The following KIAA1958 variants were observed in gnomAD, a reference collection of about 807,000 sequenced individuals.
KIAA1958 encodes KIAA1958.
In KIAA1958, 14 loss-of-function variants were observed where a neutral mutation model predicts 47.2. The observed-to-expected ratio is 0.30, with a 90% CI of 0.20 to 0.46. KIAA1958 has a LOEUF of 0.46. Ranked by LOEUF, KIAA1958 falls within the 20% of genes least tolerant of loss-of-function variation. KIAA1958 has a pLI of 1.00. For synonymous variants in KIAA1958, 354 were observed against 353.3 expected (o/e 1.00, Z -0.02); for missense variants, 803 against 909.2 (o/e 0.88, Z 1.50).
At chr9:112,606,137 A>T (rs1836230229) in intron 2 of KIAA1958, among the ~76,000 whole-genome samples, 1 of 152,136 alleles carries the variant, frequency 6.6e-6, no homozygotes, top group African/African-American at 2.4e-5. Context: ...AGAAAGGGAG[A>T]GCAGGTATCA....
rs1430797884 is a variant in KIAA1958 at position 112,525,933 on chromosome 9, C to T, written c.-25+38815C>T. Among the ~76,000 whole-genome samples the T allele has an allele frequency of 8.7e-3, 44 of 5,080 alleles. 4 individuals are homozygous for T. In the African/African-American group the frequency reaches 0.095, roughly 11 times the overall value. 3.3% of individuals were successfully genotyped at this position (5,080 alleles called of 152,430 possible). A position where few individuals can be genotyped will look rare whatever the true frequency, so the allele number is the denominator to read the frequency against. On this transcript the variant is annotated intron_variant, in intron 1 of 3. Coordinates refer to ENST00000337530, the MANE Select transcript of KIAA1958 (RefSeq NM_133465.4). Reference sequence around the variant, plus strand: ...ATTTATATTCTTTCTTCTTCTTCTTCTTCTTCTTCTTCTTCTTCTTCTTCT... The same window carrying T: ...ATTTATATTCTTTCTTCTTCTTCTTTTTCTTCTTCTTCTTCTTCTTCTTCT...
rs191681953 is a variant in KIAA1958, at chr9:112,589,292, T to C, written c.1171+14041T>C. Among the ~76,000 whole-genome samples, 81 of 152,320 alleles carry C rather than the reference T, an allele frequency of 5.3e-4. 1 individual carries two copies. The East Asian group carries it at 0.013, about 24-fold the overall frequency. ...TTCTGATGCCTTGTCTACTTGTTTGTTCATATTTAAGAATGCAGGACAGGC... is the reference window on the plus strand; with the variant it reads ...TTCTGATGCCTTGTCTACTTGTTTGCTCATATTTAAGAATGCAGGACAGGC... On this transcript the variant is annotated intron_variant, in intron 2 of 3. Coordinates refer to ENST00000337530, the MANE Select transcript of KIAA1958 (RefSeq NM_133465.4).
In KIAA1958 at chr9:112,618,037, C is replaced by G. The variant is rs773337836; in HGVS notation, c.1172-27613C>G. 6.4e-7 allele frequency: 1 copy of G among 1,550,570 alleles called. No homozygotes were observed. The highest frequency in any genetic ancestry group is 1.2e-5 in the South Asian group (1 of 84,058). On this transcript the variant is annotated intron_variant, in intron 2 of 3. Coordinates refer to ENST00000337530, the MANE Select transcript of KIAA1958 (RefSeq NM_133465.4). This position sits in a 1 kb window ranked among gnomAD's most constrained non-coding sequence, Gnocchi z 7.1. ...GCAAGGAGTTGGATGCCTACCTTGC[C>G]TCTTTCTTTGTTGATGCCAGGCAGA...
At chr9:112,582,236 G>A (rs757025149) in intron 2 of KIAA1958, among the ~76,000 whole-genome samples, 1 of 152,186 alleles carries the variant, frequency 6.6e-6, no homozygotes, top group Non-Finnish European at 1.5e-5. Context: ...GACTAGAGAA[G>A]TATAATTGGA....
intron 1 of KIAA1958, among the ~76,000 whole-genome samples, chr9:112,557,904 T>C (rs907819848): frequency 2.8e-4 from 43 of 152,170 alleles, no homozygotes; most frequent in Non-Finnish European, 6.3e-4. Context: ...TTTAATATGA[T>C]ATGGCATACT....
rs869163014 is a variant in KIAA1958, at chr9:112,656,729, A to G, written c.1345-2534A>G. ...CCATAAAGGCATCCCTTTAGGAACA[A>G]TATACATCTTTGACAATCATTTCAC... is the stretch of plus-strand genomic sequence containing the variant. On this transcript the variant is annotated intron_variant, in intron 3 of 3. Transcript: ENST00000337530. 2.0e-5 allele frequency among the ~76,000 whole-genome samples: 3 copies of G among 152,126 alleles called. No individual in the cohort carries two copies. In the East Asian group the frequency reaches 5.8e-4, roughly 29 times the overall value.
intron 2 of KIAA1958, chr9:112,617,765 C>CTCCTT: frequency 1.1e-6 from 1 of 870,010 alleles, no homozygotes; most frequent in Non-Finnish European, 1.7e-6. Flanking sequence ...AAACTGATTC[C>CTCCTT]TCCTTTCCCT....
In KIAA1958 at chr9:112,540,204, G is replaced by C. The variant is rs568335693; in HGVS notation, c.-24-33853G>C. 2.8e-4 allele frequency among the ~76,000 whole-genome samples: 42 copies of C among 152,320 alleles called. No homozygotes were observed. The South Asian group carries it at 2.9e-3, about 11-fold the overall frequency. On this transcript the variant is annotated intron_variant, in intron 1 of 3. Transcript: ENST00000337530. ...TTGCCAGTTTGGGTTATCAAGATAGGAGGGTGCTGATATGGGGAAAGAGGG... is the reference window on the plus strand; with the variant it reads ...TTGCCAGTTTGGGTTATCAAGATAGCAGGGTGCTGATATGGGGAAAGAGGG...
intron 2 of KIAA1958, among the ~76,000 whole-genome samples, chr9:112,589,673 T>TGGGACATGTTGTGAAAAGTAGGAC: frequency 6.6e-6 from 1 of 152,140 alleles, no homozygotes. Context: ...GAAAGTAGGA[T>TGGGACATGTTGTGAAAAGTAGGAC]GGGATATGTT....
At chr9:112,579,437 C>CT (rs1835701006) in intron 2 of KIAA1958, among the ~76,000 whole-genome samples, 1 of 151,858 alleles carries the variant, frequency 6.6e-6, no homozygotes, top group Non-Finnish European at 1.5e-5. Context: ...GTTAGAATAC[C>CT]TTTTGGGGTA....
chr9:112,579,869 G>A lies in KIAA1958; in HGVS notation c.1171+4618G>A, dbSNP rs75559020. ...ATCTGAGTTGAAATAAGTTAAAGGA[G>A]AGAATTGACTGCCTTATAGTCCAAG... On this transcript the variant is annotated intron_variant, in intron 2 of 3. Transcript: ENST00000337530. Among the ~76,000 whole-genome samples the A allele has an allele frequency of 6.1e-3, 922 of 152,330 alleles. 36 individuals are homozygous for A. In the South Asian group the frequency reaches 0.092, roughly 15 times the overall value.
At position 112,618,907 on chromosome 9, in the gene KIAA1958, C is replaced by T; in HGVS notation, c.1172-26743C>T. On this transcript the variant is annotated intron_variant, in intron 2 of 3. Coordinates refer to ENST00000337530, the MANE Select transcript of KIAA1958 (RefSeq NM_133465.4). The surrounding 1 kb of genome is among the most constrained non-coding windows in gnomAD (Gnocchi z 7.1). ...CCGCCTCCTATGACTCTTCCTCAGA[C>T]ACCGCTTGACCAGGTGGCTTGAGCA... The T allele has an allele frequency of 6.5e-7, 1 of 1,531,772 alleles. No homozygotes were observed. Among genetic ancestry groups the T allele is most frequent in the Non-Finnish European group, 8.8e-7 (1 of 1,133,672 alleles). 94.9% of individuals were successfully genotyped at this position (1,531,772 alleles called of 1,614,324 possible).
At chr9:112,611,545 G>T (rs1443718313) in intron 2 of KIAA1958, among the ~76,000 whole-genome samples, 2 of 151,722 alleles carry the variant, frequency 1.3e-5, no homozygotes, top group Non-Finnish European at 2.9e-5. Flanking sequence ...AAAAAAAATT[G>T]GGGTGGGGAG....
At chr9:112,590,085 A>G (rs1236745724) in intron 2 of KIAA1958, among the ~76,000 whole-genome samples, 1 of 152,110 alleles carries the variant, frequency 6.6e-6, no homozygotes, top group Non-Finnish European at 1.5e-5. Flanking sequence ...TCATACTGCC[A>G]TGTGTGGTCC....
At chr9:112,612,931 T>C (rs1295824662) in intron 2 of KIAA1958, among the ~76,000 whole-genome samples, 1 of 152,180 alleles carries the variant, frequency 6.6e-6, no homozygotes, top group East Asian at 1.9e-4. Context: ...AGAATGCAGC[T>C]ATTAGAAAGA....
At chr9:112,610,039 G>A (rs932571092) in intron 2 of KIAA1958, among the ~76,000 whole-genome samples, 2 of 152,006 alleles carry the variant, frequency 1.3e-5, no homozygotes, top group African/African-American at 4.8e-5. Context: ...ACACAATGAA[G>A]CAAAATTAGA....
chr9:112,588,414 C>T (rs958368526), intron 2 of KIAA1958, among the ~76,000 whole-genome samples: 9 of 152,076 alleles, frequency 5.9e-5, no homozygotes, highest in African/African-American at 1.4e-4. Context: ...TCAATAAGCC[C>T]GTCCCAGCAT....
At chr9:112,569,015 T>C (rs1177602724) in intron 1 of KIAA1958, among the ~76,000 whole-genome samples, 1 of 142,956 alleles carries the variant, frequency 7.0e-6, no homozygotes, top group Non-Finnish European at 1.5e-5. Flanking sequence ...GGCAGTTGCA[T>C]GGAGGTAGTC....
At chr9:112,531,205 A>G (rs998598414) in intron 1 of KIAA1958, among the ~76,000 whole-genome samples, 4 of 152,202 alleles carry the variant, frequency 2.6e-5, no homozygotes, top group African/African-American at 9.7e-5. Flanking sequence ...CTTGACCAAC[A>G]TGGAGAAACC....
Sources: gnomAD v4.1 joint callset for allele counts (sites outside exome capture counted in the v4.1 genomes callset) on GRCh38, gnomAD v4.1.1 for gene constraint, Gnocchi (gnomAD v3.1) non-coding constraint, MANE v1.5 for transcripts, NCBI Gene and HGNC (gene_info 2026-07-23, HGNC 2026-07-21) for gene names.